Variants in GLT1D1 observed in about 807,000 individuals in gnomAD.
GLT1D1 encodes the protein glycosyltransferase 1 domain containing 1, also known as glycosyltransferase 1 domain-containing protein 1.
Under a neutral mutation model 28.7 loss-of-function variants are expected in GLT1D1, and 21 were observed. The ratio of observed to expected loss-of-function variants is 0.73; its 90% confidence interval spans 0.52 to 1.05. The LOEUF (loss-of-function observed/expected upper bound fraction) is 1.05, where lower values mean the gene tolerates loss of function less well. Ranked by LOEUF, GLT1D1 falls within the 50% of genes least tolerant of loss-of-function variation. GLT1D1 has a pLI of 0.00. For synonymous variants in GLT1D1, 147 were observed against 124.8 expected, an observed-to-expected ratio of 1.18 and a Z score of -1.19; for missense variants, 343 against 330.6, an observed-to-expected ratio of 1.04 and a Z score of -0.29.
intron 4 of GLT1D1, among the ~76,000 whole-genome samples, chr12:128,934,524 G>A (rs1874335065): frequency 6.6e-6 from 1 of 152,158 alleles, no homozygotes. Flanking sequence ...GGCAATGGCA[G>A]TGCATCTATG....
chr12:128,877,174 C>G (rs1184563827), intron 2 of GLT1D1, among the ~76,000 whole-genome samples: 1 of 152,124 alleles, frequency 6.6e-6, no homozygotes, highest in East Asian at 1.9e-4. Context: ...TAGCAGCCAC[C>G]AAATAAAGGC....
At chr12:128,943,355 C>CT (rs71449377) in intron 4 of GLT1D1, among the ~76,000 whole-genome samples, 4,719 of 144,762 alleles carry the variant, frequency 0.033, 108 homozygotes, top group Middle Eastern at 0.082. Context: ...TCTTTTCTCT[C>CT]TTTTTTTTTT....
intron 2 of GLT1D1, among the ~76,000 whole-genome samples, chr12:128,879,596 A>T (rs1251018091): frequency 6.6e-6 from 1 of 151,798 alleles, no homozygotes; most frequent in Admixed American, 6.6e-5. Flanking sequence ...GCTGGGATTA[A>T]CAGGTGTGCA....
chr12:128,951,196 A>T (rs1187659718), intron 6 of GLT1D1, among the ~76,000 whole-genome samples: 5 of 152,116 alleles, frequency 3.3e-5, no homozygotes, highest in Admixed American at 2.0e-4. Flanking sequence ...TGAGGTCAGG[A>T]GTTCGAGACC....
intron 4 of GLT1D1, among the ~76,000 whole-genome samples, chr12:128,916,029 G>T (rs932071061): frequency 2.6e-5 from 4 of 152,066 alleles, no homozygotes; most frequent in Non-Finnish European, 5.9e-5. Flanking sequence ...TTTAATTTCT[G>T]TCTCTTTATA....
intron 4 of GLT1D1, among the ~76,000 whole-genome samples, chr12:128,944,063 A>C (rs1488940153): frequency 6.6e-6 from 1 of 152,212 alleles, no homozygotes; most frequent in Non-Finnish European, 1.5e-5. Flanking sequence ...AGCTGCGTAA[A>C]ACACACTAGA....
chr12:128,939,721 T>C (rs1286544219), intron 4 of GLT1D1, among the ~76,000 whole-genome samples: 1 of 152,032 alleles, frequency 6.6e-6, no homozygotes, highest in African/African-American at 2.4e-5. Flanking sequence ...GCGTCTTACA[T>C]GTCTGGGTCA....
Position 128,868,590 on chromosome 12 carries a change from T to C in GLT1D1, c.69-7324T>C, listed in dbSNP as rs190937423. ...AGAAATACCATTAGGGAGGTTGGAA[T>C]TGGGGAGATTCTCACAGATGTTGAA... On this transcript the variant is annotated intron_variant, in intron 1 of 7. Transcript: ENST00000281703. 9.2e-5 allele frequency among the ~76,000 whole-genome samples: 14 copies of C among 152,226 alleles called. No individual in the cohort carries two copies. In the East Asian group the frequency reaches 9.7e-4, roughly 11 times the overall value.
rs999959492 is a variant in GLT1D1 at position 128,889,475 on chromosome 12, G to C, written c.323+731G>C. ...CCTGGGGGCTGCCCTGCACGTCTCT[G>C]ATCCCAGATACTGATCATGGGCAGC... On this transcript the variant is annotated intron_variant, in intron 3 of 7. Coordinates refer to ENST00000281703, the MANE Select transcript of GLT1D1 (RefSeq NM_144669.3). 1.1e-4 allele frequency among the ~76,000 whole-genome samples: 16 copies of C among 152,238 alleles called. No individual in the cohort carries two copies. The East Asian group carries it at 1.7e-3, about 17-fold the overall frequency.
At chr12:128,944,455 G>T (rs1875752443) in intron 4 of GLT1D1, 1 of 1,336,458 alleles carries the variant, frequency 7.5e-7, no homozygotes, top group Non-Finnish European at 1.1e-6. Flanking sequence ...AACCATCTCT[G>T]GTTTATCATC....
In GLT1D1 at chr12:128,961,862, G is replaced by A. The variant is rs765585728; in HGVS notation, c.639+4219G>A. Reference sequence around the variant, plus strand: ...ACACTGACACATAAAATTAACCATCGTAAAGACTAAACCAACAAAAGGAAC... The same window carrying A: ...ACACTGACACATAAAATTAACCATCATAAAGACTAAACCAACAAAAGGAAC... On this transcript the variant is annotated intron_variant, in intron 7 of 7. Transcript: ENST00000281703. Among the ~76,000 whole-genome samples, 9 of 152,132 alleles carry A rather than the reference G, an allele frequency of 5.9e-5. No individual in the cohort carries two copies. In the South Asian group the frequency reaches 8.3e-4, roughly 14 times the overall value.
chr12:128,907,431 G>A (rs1870996598), intron 4 of GLT1D1, among the ~76,000 whole-genome samples: 1 of 150,906 alleles, frequency 6.6e-6, no homozygotes, highest in African/African-American at 2.4e-5. Flanking sequence ...TCAGCCTCCC[G>A]AGTAGCTGGG....
At chr12:128,888,494 A>T (rs1232974492) in intron 2 of GLT1D1, 145 bp from the exon 3 acceptor site, 1 of 611,744 alleles carries the variant, frequency 1.6e-6, no homozygotes, top group Non-Finnish European at 3.0e-6. Flanking sequence ...TCTGCTATCC[A>T]GGAGAGGTGG....
In GLT1D1 at chr12:128,952,554, C is replaced by T. The variant is rs1469067579; in HGVS notation, c.541-4991C>T. ...CGATCTCGGCTCACCCCAACCTCCA[C>T]CTCCCAGGTTCAAGTGATTCTCCTG... is the stretch of plus-strand genomic sequence containing the variant. On this transcript the variant is annotated intron_variant, in intron 6 of 7. Coordinates refer to ENST00000281703, the MANE Select transcript of GLT1D1 (RefSeq NM_144669.3). Among the ~76,000 whole-genome samples the T allele has an allele frequency of 2.6e-5, 4 of 151,498 alleles. No individual in the cohort carries two copies. The East Asian group carries it at 5.8e-4, about 22-fold the overall frequency.
chr12:128,968,366 C>T (rs151210215), intron 7 of GLT1D1, among the ~76,000 whole-genome samples: 121 of 151,420 alleles, frequency 8.0e-4, no homozygotes, highest in African/African-American at 2.8e-3. Flanking sequence ...TGAGAGTGGA[C>T]TAATAATAAT....
At chr12:128,953,714 C>T (rs185002768) in intron 6 of GLT1D1, among the ~76,000 whole-genome samples, 1 of 150,362 alleles carries the variant, frequency 6.7e-6, no homozygotes, top group African/African-American at 2.4e-5. Flanking sequence ...CCTTCTTTGG[C>T]CTGTGCGCAC....
intron 2 of GLT1D1, among the ~76,000 whole-genome samples, chr12:128,882,037 A>G (rs1445792898): frequency 6.6e-6 from 1 of 152,052 alleles, no homozygotes. Flanking sequence ...TGCATTTTTA[A>G]AGCTTTTCAT....
chr12:128,921,372 C>T (rs1170016405), intron 4 of GLT1D1, among the ~76,000 whole-genome samples: 1 of 152,044 alleles, frequency 6.6e-6, no homozygotes, highest in Non-Finnish European at 1.5e-5. Context: ...TCAGGGGTCT[C>T]ATAATGAATT....
intron 4 of GLT1D1, among the ~76,000 whole-genome samples, chr12:128,927,889 A>G (rs780860551): frequency 2.7e-5 from 4 of 149,736 alleles, no homozygotes; most frequent in Non-Finnish European, 5.9e-5. Flanking sequence ...AATCCCAGCT[A>G]CTCAGGAGGC....
Sources: gnomAD v4.1 joint callset for allele counts (sites outside exome capture counted in the v4.1 genomes callset) on GRCh38, gnomAD v4.1.1 for gene constraint, MANE v1.5 for transcripts, NCBI Gene and HGNC (gene_info 2026-07-23, HGNC 2026-07-21) for gene names.